The following DIS3L2 variants were observed in gnomAD, a reference collection of about 807,000 sequenced individuals.
DIS3L2 encodes DIS3-like exonuclease 2.
A neutral mutation model predicts 97.5 loss-of-function variants in DIS3L2; 34 were observed. That is an observed-to-expected ratio of 0.35 (90% CI 0.27 to 0.46). The LOEUF (loss-of-function observed/expected upper bound fraction) is 0.46, where lower values mean the gene tolerates loss of function less well. DIS3L2 is among the 20% of genes least tolerant of loss of function. The probability of loss-of-function intolerance (pLI) is 1.00; values close to 1 mark genes in which losing one functional copy is unlikely to be tolerated. For missense variants in DIS3L2, 1,038 were observed against 1,146.0 expected, an observed-to-expected ratio of 0.91 and a Z score of 1.36; for synonymous variants, 435 against 445.2, an observed-to-expected ratio of 0.98 and a Z score of 0.29.
chr2:232,306,666 G>A (rs1025973707), intron 14 of DIS3L2, among the ~76,000 whole-genome samples: 4 of 152,202 alleles, frequency 2.6e-5, no homozygotes, highest in African/African-American at 2.4e-5. Flanking sequence ...CAAATGTATA[G>A]AGAATATCTG....
intron 16 of DIS3L2, among the ~76,000 whole-genome samples, chr2:232,332,835 G>A (rs531567284): frequency 2.5e-4 from 38 of 152,292 alleles, no homozygotes; most frequent in African/African-American, 6.7e-4. Flanking sequence ...AGCTGGGCGG[G>A]ATCAGTGCCA....
chr2:232,245,631 T>C (rs1693226284), intron 11 of DIS3L2, among the ~76,000 whole-genome samples: 1 of 152,242 alleles, frequency 6.6e-6, no homozygotes, highest in Non-Finnish European at 1.5e-5. Flanking sequence ...ATGTCTTTTA[T>C]AAAAAATACT....
intron 9 of DIS3L2, among the ~76,000 whole-genome samples, chr2:232,193,664 A>G (rs1371843631): frequency 3.9e-5 from 6 of 152,232 alleles, no homozygotes; most frequent in African/African-American, 1.4e-4. Flanking sequence ...CATAATCCAA[A>G]GGACTTTGGT....
At chr2:232,237,583 T>G (rs1692967062) in intron 10 of DIS3L2, among the ~76,000 whole-genome samples, 1 of 151,872 alleles carries the variant, frequency 6.6e-6, no homozygotes, top group African/African-American at 2.4e-5. Flanking sequence ...GATAGAGATA[T>G]GCCGTGATAT....
intron 1 of DIS3L2, among the ~76,000 whole-genome samples, chr2:231,987,715 A>G (rs1395782094): frequency 3.9e-5 from 6 of 152,222 alleles, no homozygotes; most frequent in Non-Finnish European, 5.9e-5. Flanking sequence ...CTCCATGAGA[A>G]GCAGGGATTA....
At chr2:232,155,898 G>A (rs565400758) in intron 8 of DIS3L2, among the ~76,000 whole-genome samples, 2 of 152,190 alleles carry the variant, frequency 1.3e-5, no homozygotes, top group South Asian at 2.1e-4. Flanking sequence ...GCCGAGGCAG[G>A]AGAATGGTGT....
At chr2:232,034,306 G>A (rs1694892578) in intron 5 of DIS3L2, among the ~76,000 whole-genome samples, 2 of 152,048 alleles carry the variant, frequency 1.3e-5, no homozygotes. Flanking sequence ...TGGGATCAGT[G>A]GTGATCTCCC....
chr2:232,326,690 A>G lies in DIS3L2; in HGVS notation c.1740-3123A>G, dbSNP rs114056628. 6.4e-3 allele frequency among the ~76,000 whole-genome samples: 933 copies of G among 146,820 alleles called. 168 individuals are homozygous for G. Among genetic ancestry groups the G allele is most frequent in the African/African-American group, 0.023 (865 of 37,578 alleles). Reference sequence around the variant, plus strand: ...TTGACCTTTGTCTGGGTCCCTGCTTAATGTGGCCTAACTAGTTGGGCCAGA... The same window carrying G: ...TTGACCTTTGTCTGGGTCCCTGCTTGATGTGGCCTAACTAGTTGGGCCAGA... On this transcript the variant is annotated intron_variant, in intron 14 of 20. Coordinates refer to ENST00000325385, the MANE Select transcript of DIS3L2 (RefSeq NM_152383.5).
At chr2:232,234,416 C>A (rs1692878984) in intron 10 of DIS3L2, among the ~76,000 whole-genome samples, 1 of 152,204 alleles carries the variant, frequency 6.6e-6, no homozygotes, top group African/African-American at 2.4e-5. Flanking sequence ...GTGGTGTGAT[C>A]TTGGCTCACT....
At chr2:232,228,966 C>T (rs1692719511) in intron 10 of DIS3L2, among the ~76,000 whole-genome samples, 1 of 152,166 alleles carries the variant, frequency 6.6e-6, no homozygotes, top group Admixed American at 6.6e-5. Context: ...AAACTGAAAA[C>T]ATTACAAAAG....
At chr2:232,339,804 C>T (rs1553553001), downstream of DIS3L2, 26 of 440,760 alleles carry the variant, frequency 5.9e-5, no homozygotes, top group South Asian at 3.8e-4. Flanking sequence ...GTGACCTGCC[C>T]GGCATAGAAC....
intron 7 of DIS3L2, among the ~76,000 whole-genome samples, chr2:232,135,869 G>C (rs989501007): frequency 6.6e-6 from 1 of 152,050 alleles, no homozygotes; most frequent in Non-Finnish European, 1.5e-5. Context: ...AATGTGTTGA[G>C]GAGGGGGTGG....
chr2:232,113,484 A>G (rs1416357026), intron 6 of DIS3L2, among the ~76,000 whole-genome samples: 2 of 152,128 alleles, frequency 1.3e-5, no homozygotes, highest in Non-Finnish European at 2.9e-5. Context: ...AAGTGGTTCC[A>G]CTCCTTTTAT....
chr2:232,039,068 C>T (rs545579983), intron 5 of DIS3L2, among the ~76,000 whole-genome samples: 44 of 152,244 alleles, frequency 2.9e-4, no homozygotes, highest in African/African-American at 1.0e-3. Context: ...CTGTGGAGCT[C>T]CCGAGAGTCT....
chr2:232,329,785 T>TCCCGGGGGGGGGGCC, intron 14 of DIS3L2, 28 bp from the exon 15 acceptor site: 14 of 967,136 alleles, frequency 1.4e-5, no homozygotes, highest in East Asian at 3.1e-5. Context: ...ACCCCAGCGG[T>TCCCGGGGGGGGGGCC]CCCTCCCATC....
intron 1 of DIS3L2, among the ~76,000 whole-genome samples, chr2:231,974,925 T>A (rs899094666): frequency 1.3e-5 from 2 of 152,226 alleles, no homozygotes; most frequent in African/African-American, 2.4e-5. Flanking sequence ...TTCAGACTAT[T>A]GTATCCGTTT....
At chr2:232,202,116 A>G (rs1254062989) in intron 9 of DIS3L2, among the ~76,000 whole-genome samples, 3 of 152,114 alleles carry the variant, frequency 2.0e-5, no homozygotes, top group African/African-American at 7.2e-5. Context: ...TTTAAAGTAT[A>G]AAAAGAGGCG....
At chr2:232,176,516 A>G (rs908537851) in intron 9 of DIS3L2, among the ~76,000 whole-genome samples, 1 of 145,300 alleles carries the variant, frequency 6.9e-6, no homozygotes, top group Non-Finnish European at 1.5e-5. Flanking sequence ...CTGCTTGCTT[A>G]GGTTTAGTTT....
intron 13 of DIS3L2, among the ~76,000 whole-genome samples, chr2:232,289,384 T>C (rs1694537175): frequency 6.6e-6 from 1 of 152,022 alleles, no homozygotes; most frequent in Non-Finnish European, 1.5e-5. Context: ...GCGATTCTCC[T>C]GCCTCAGCCT....
Sources: gnomAD v4.1 joint callset for allele counts (sites outside exome capture counted in the v4.1 genomes callset) on GRCh38, gnomAD v4.1.1 for gene constraint, MANE v1.5 for transcripts, NCBI Gene and HGNC (gene_info 2026-07-23, HGNC 2026-07-21) for gene names.